Variants in BRCA1 observed in about 807,000 individuals in gnomAD.
BRCA1 encodes the protein BRCA1 DNA repair associated.
BRCA1 carries 140 observed loss-of-function variants against 173.7 expected under a neutral mutation model. The ratio of observed to expected loss-of-function variants is 0.81; its 90% CI spans 0.70 to 0.93. BRCA1 has a LOEUF of 0.93. Ranked by LOEUF, BRCA1 falls within the 40% of genes least tolerant of loss-of-function variation. The pLI is 0.00. For synonymous variants in BRCA1, 662 were observed against 756.0 expected (o/e 0.88, Z 2.04); for missense variants, 1,983 against 2,172.5 (o/e 0.91, Z 1.73).
chr17:43,138,012 C>A (rs2154581420), intron 1 of BRCA1: 1 of 152,114 alleles, frequency 6.6e-6, no homozygotes, highest in South Asian at 2.0e-4. Context: ...CATGGTGAAA[C>A]CCTGTCTCTA....
rs957007660 is a variant in BRCA1, at chr17:43,044,358, T to G, written c.*1320A>C. On this transcript the variant is annotated 3_prime_UTR_variant, in exon 23 of 23. Coordinates refer to ENST00000357654, the MANE Select transcript of BRCA1 (RefSeq NM_007294.4). ...AGCACAACATTTACAAAACGTATTT[T>G]GTACAATCAAGTCTTCACTGCCCTT... The G allele has an allele frequency of 2.4e-5, 12 of 499,592 alleles. No individual in the cohort carries two copies. The highest frequency in any genetic ancestry group is 1.7e-4 in the African/African-American group (9 of 51,954). 30.9% of individuals were successfully genotyped at this position (499,592 alleles called of 1,614,324 possible).
intron 1 of BRCA1, among the ~76,000 whole-genome samples, chr17:43,147,082 G>T (rs1160836790): frequency 6.6e-6 from 1 of 151,876 alleles, no homozygotes; most frequent in Non-Finnish European, 1.5e-5. Flanking sequence ...TCGGCTCACC[G>T]CAACCTCTGC....
rs1235706456 is a variant in BRCA1, at chr17:43,115,756, A to C, written c.104T>G (p.Val35Gly). 6.2e-7 allele frequency: 1 copy of C among 1,613,766 alleles called. No individual in the cohort carries two copies. Among genetic ancestry groups the C allele is most frequent in the South Asian group, 1.1e-5 (1 of 91,030 alleles). The change falls in exon 3 of 23, where the codon GTC becomes GGC. Residue 35 changes from valine to glycine, a missense_variant. Val to Gly is a moderately radical substitution (Grantham distance 109). Coordinates refer to ENST00000357654, the MANE Select transcript of BRCA1 (RefSeq NM_007294.4). Reference protein sequence around the residue: ...PICLELIKEPVSTKCDHIFCK... With the variant: ...PICLELIKEPGSTKCDHIFCK... ...AAATATGTGGTCACACTTTGTGGAG[A>C]CAGGTTCCTTGATCAACTCCAGACT...
chr17:43,121,368 G>A (rs946099512), intron 2 of BRCA1, among the ~76,000 whole-genome samples: 2 of 150,670 alleles, frequency 1.3e-5, no homozygotes, highest in African/African-American at 2.4e-5. Context: ...GAGCGAGACC[G>A]TGTCTCAAAA....
intron 16 of BRCA1, chr17:43,067,295 G>A (rs531010253): frequency 6.6e-5 from 10 of 151,030 alleles, no homozygotes; most frequent in Non-Finnish European, 1.2e-4. Context: ...TTGCTCTGTC[G>A]CCAGGCTGGA....
At chr17:43,131,927 G>T (rs1224399204) in intron 1 of BRCA1, among the ~76,000 whole-genome samples, 1 of 151,972 alleles carries the variant, frequency 6.6e-6, no homozygotes, top group Non-Finnish European at 1.5e-5. Flanking sequence ...GGGACTACAG[G>T]CATGCACCAC....
chr17:43,169,931 C>A, intron 1 of BRCA1: 1 of 458,280 alleles, frequency 2.2e-6, no homozygotes. Context: ...TGGCCAGGAC[C>A]TTTGCAAACA....
intron 1 of BRCA1, chr17:43,144,919 C>T (rs979341994): frequency 3.5e-6 from 2 of 571,064 alleles, no homozygotes; most frequent in Non-Finnish European, 6.8e-6. Context: ...ACACCGCGGC[C>T]AGCAGGCACC....
In BRCA1 at chr17:43,067,995, C is replaced by T. The variant is rs770055630; in HGVS notation, c.4987-300G>A. On this transcript the variant is annotated intron_variant, in intron 15 of 22. Transcript: ENST00000357654. Reference sequence around the variant, plus strand: ...AAAAATTCTAAGACACCTGAAGTCTCGGCTGGGCGCGGTGGCTCACGCCTG... The same window carrying T: ...AAAAATTCTAAGACACCTGAAGTCTTGGCTGGGCGCGGTGGCTCACGCCTG... 1.3e-4 allele frequency among the ~76,000 whole-genome samples: 19 copies of T among 150,974 alleles called. 1 individual carries two copies. The highest frequency in any genetic ancestry group is 2.1e-4 in the South Asian group (1 of 4,742).
intron 11 of BRCA1, among the ~76,000 whole-genome samples, chr17:43,089,050 C>T (rs376387696): frequency 2.6e-5 from 4 of 152,064 alleles, no homozygotes; most frequent in Admixed American, 6.6e-5. Context: ...TGGTGGCTCA[C>T]GCCTGTAATC....
Position 43,091,760 on chromosome 17 carries a change from C to T in BRCA1, c.3771G>A (p.Glu1257=), listed in dbSNP as rs1597861430. 3 of 1,614,184 alleles carry T rather than the reference C, an allele frequency of 1.9e-6. No homozygotes were observed. The highest frequency in any genetic ancestry group is 2.5e-6 in the Non-Finnish European group (3 of 1,180,028). Residue 1257 remains glutamate, a synonymous_variant, in exon 10 of 23, where the codon GAG becomes GAA. Coordinates refer to ENST00000357654, the MANE Select transcript of BRCA1 (RefSeq NM_007294.4). ...VATECLSKNT[E]ENLLSLKNSL... ...TATTCTTCAATGATAATAAATTCTC[C>T]TCTGTGTTCTTAGACAGACACTCGG...
rs569074958 is a variant in BRCA1, at chr17:43,124,116, C to T, written c.-19-1G>A. 6.4e-7 allele frequency: 1 copy of T among 1,557,066 alleles called. No homozygotes were observed. Among genetic ancestry groups the T allele is most frequent in the African/African-American group, 1.4e-5 (1 of 73,732 alleles). ...ATCCATTTCTTTCTGTTCCAATGAA[C>T]TTTAACACATTAGAAAAACATATAT... On this transcript the variant is annotated splice_acceptor_variant, in intron 1 of 22. Coordinates refer to ENST00000357654, the MANE Select transcript of BRCA1 (RefSeq NM_007294.4). LOFTEE classifies it low-confidence loss of function (5UTR_SPLICE).
chr17:43,119,665 A>T (rs1367477773), intron 2 of BRCA1, among the ~76,000 whole-genome samples: 1 of 152,176 alleles, frequency 6.6e-6, no homozygotes, highest in Non-Finnish European at 1.5e-5. Flanking sequence ...CTTTAAAAAG[A>T]AAAACAACCT....
At chr17:43,100,682 T>TATATATATATATATATAAC (rs2054422190) in intron 6 of BRCA1, among the ~76,000 whole-genome samples, 3 of 74,472 alleles carry the variant, frequency 4.0e-5, no homozygotes, top group Non-Finnish European at 6.2e-5. Context: ...ATATATAATA[T>TATATATATATATATATAAC]ATATATATAT....
rs1374211518 is a variant in BRCA1 at position 43,149,284 on chromosome 17, T to C, written c.-20+20842A>G. On this transcript the variant is annotated intron_variant, in intron 1 of 7. Transcript: ENST00000634433. Reference sequence around the variant, plus strand: ...GGGCTAGTTTTTTTTTTTTTTTTTTTCTTTGTATTTTTAGTAGAGATGGGG... The same window carrying C: ...GGGCTAGTTTTTTTTTTTTTTTTTTCCTTTGTATTTTTAGTAGAGATGGGG... Among the ~76,000 whole-genome samples, 508 of 147,730 alleles carry C rather than the reference T, an allele frequency of 3.4e-3. 2 individuals carry two copies. Among genetic ancestry groups the C allele is most frequent in the Non-Finnish European group, 6.0e-3 (408 of 67,624 alleles).
intron 1 of BRCA1, chr17:43,145,033 T>C: frequency 2.6e-6 from 2 of 768,808 alleles, no homozygotes; most frequent in South Asian, 1.3e-5. Context: ...AATTGTCAGC[T>C]AAACCTCCTG....
intron 11 of BRCA1, among the ~76,000 whole-genome samples, chr17:43,083,040 G>T (rs1027014416): frequency 6.6e-6 from 1 of 152,034 alleles, no homozygotes; most frequent in African/African-American, 2.4e-5. Context: ...GTTGAAAAAA[G>T]CCCTCTATCT....
intron 22 of BRCA1, 120 bp from the exon 23 acceptor site, chr17:43,045,922 A>T (rs1477533307): frequency 7.1e-5 from 68 of 952,622 alleles, no homozygotes; most frequent in Admixed American, 1.8e-4. Flanking sequence ...GTAGAAGCTA[A>T]TTTTTTTTTT....
At chr17:43,128,236 G>A (rs533984606), upstream of BRCA1, among the ~76,000 whole-genome samples, 8 of 152,092 alleles carry the variant, frequency 5.3e-5, no homozygotes, top group South Asian at 1.5e-3. Context: ...GCGAGACCAC[G>A]AACCCACCAG....
Sources: gnomAD v4.1 joint callset for allele counts (sites outside exome capture counted in the v4.1 genomes callset) on GRCh38, gnomAD v4.1.1 for gene constraint, MANE v1.5 for transcripts, NCBI Gene and HGNC (gene_info 2026-07-23, HGNC 2026-07-21) for gene names.